The following ADAMTS20 variants were observed in gnomAD, a reference collection of about 807,000 sequenced individuals.
ADAMTS20 encodes ADAM metallopeptidase with thrombospondin type 1 motif 20, also known as A disintegrin and metalloproteinase with thrombospondin motifs 20.
In ADAMTS20, 225 loss-of-function variants were observed where a neutral mutation model predicts 260.1. The ratio of observed to expected loss-of-function variants is 0.87; its 90% CI spans 0.78 to 0.97. ADAMTS20 has a LOEUF of 0.97. Ranked by LOEUF, ADAMTS20 falls within the 50% of genes least tolerant of loss-of-function variation. The probability of loss-of-function intolerance (pLI) is 0.00; values close to 1 mark genes in which losing one functional copy is unlikely to be tolerated. For missense variants in ADAMTS20, 2,400 were observed against 2,337.7 expected (o/e 1.03, Z -0.55); for synonymous variants, 802 against 769.5 (o/e 1.04, Z -0.70).
intron 37 of ADAMTS20, among the ~76,000 whole-genome samples, chr12:43,368,168 A>G (rs1240469635): frequency 2.0e-5 from 3 of 152,232 alleles, no homozygotes; most frequent in Non-Finnish European, 4.4e-5. Context: ...TTACAGACAG[A>G]AATTTTAAAA....
At chr12:43,438,176 A>G (rs1470779259) in intron 18 of ADAMTS20, among the ~76,000 whole-genome samples, 2 of 152,170 alleles carry the variant, frequency 1.3e-5, no homozygotes, top group East Asian at 1.9e-4. Flanking sequence ...TGGACTCCCA[A>G]ATCGTCTCCC....
chr12:43,466,827 A>G (rs1942162821), intron 8 of ADAMTS20, 32 bp from the exon 9 acceptor site: 3 of 1,493,120 alleles, frequency 2.0e-6, no homozygotes, highest in Non-Finnish European at 2.8e-6. Context: ...TAAAAGGAAT[A>G]TCAAAAGATG....
intron 28 of ADAMTS20, among the ~76,000 whole-genome samples, chr12:43,422,499 A>G (rs1941254981): frequency 6.6e-6 from 1 of 152,062 alleles, no homozygotes; most frequent in South Asian, 2.1e-4. Context: ...CCCATTTAAT[A>G]TAAAAGTCTA....
chr12:43,360,177 G>C (rs1249116096), intron 37 of ADAMTS20, among the ~76,000 whole-genome samples: 1 of 152,162 alleles, frequency 6.6e-6, no homozygotes, highest in Admixed American at 6.5e-5. Flanking sequence ...GGCCGGGCAC[G>C]GTGGCTCACG....
intron 7 of ADAMTS20, among the ~76,000 whole-genome samples, chr12:43,484,110 G>T (rs1037998096): frequency 2.6e-5 from 4 of 152,024 alleles, no homozygotes; most frequent in Non-Finnish European, 5.9e-5. Context: ...CCAAAGCTAG[G>T]TGACAATAAA....
chr12:43,530,461 C>G (rs2137500980), intron 3 of ADAMTS20, among the ~76,000 whole-genome samples: 1 of 152,224 alleles, frequency 6.6e-6, no homozygotes, highest in African/African-American at 2.4e-5. Flanking sequence ...TCTATTATGT[C>G]AATAGATTTA....
In ADAMTS20 at chr12:43,397,951, G is replaced by A. The variant is rs527843154; in HGVS notation, c.4452+1115C>T. On this transcript the variant is annotated intron_variant, in intron 29 of 38. Transcript: ENST00000389420. ...ATTCCACTCCAAAGCTGTGTGCCCT[G>A]CATTGACATGCTGAGCGCAAAGAGA... Among the ~76,000 whole-genome samples, 9 of 152,232 alleles carry A rather than the reference G, an allele frequency of 5.9e-5. No individual in the cohort carries two copies. The South Asian group carries it at 1.7e-3, about 28-fold the overall frequency.
intron 37 of ADAMTS20, among the ~76,000 whole-genome samples, chr12:43,358,593 C>T (rs1939796158): frequency 1.3e-5 from 2 of 151,902 alleles, no homozygotes; most frequent in Admixed American, 6.6e-5. Context: ...AATCCCAGCA[C>T]TTTGGGAGGC....
intron 21 of ADAMTS20, among the ~76,000 whole-genome samples, chr12:43,431,848 A>T (rs1200936108): frequency 1.3e-5 from 2 of 152,116 alleles, no homozygotes; most frequent in Non-Finnish European, 2.9e-5. Flanking sequence ...TAGTATAAAG[A>T]CAAACTATCT....
At chr12:43,439,459 T>C (rs182139886) in intron 18 of ADAMTS20, among the ~76,000 whole-genome samples, 163 bp downstream of exon 18, 4 of 152,076 alleles carry the variant, frequency 2.6e-5, no homozygotes, top group Non-Finnish European at 2.9e-5. Context: ...AAAGAATTAG[T>C]GAAAAAAGTA....
At position 43,353,893 on chromosome 12, in the gene ADAMTS20, T is replaced by A. The variant is rs1019776715; in HGVS notation, c.*316A>T. On this transcript the variant is annotated 3_prime_UTR_variant, in exon 39 of 39. Coordinates refer to ENST00000389420, the MANE Select transcript of ADAMTS20 (RefSeq NM_025003.5). Reference sequence around the variant, plus strand: ...TGTGTGTTTATAGGTATAAAATAAGTGTGGTCCAGGCCAAGATGTTAAGAG... The same window carrying A: ...TGTGTGTTTATAGGTATAAAATAAGAGTGGTCCAGGCCAAGATGTTAAGAG... 1.6e-5 allele frequency: 3 copies of A among 184,930 alleles called. No homozygotes were observed. Among genetic ancestry groups the A allele is most frequent in the African/African-American group, 7.0e-5 (3 of 42,574 alleles). The allele number at this position is 184,930 out of a possible 1,614,324, so 11.5% of individuals were successfully genotyped here.
At position 43,446,632 on chromosome 12, in the gene ADAMTS20, G is replaced by A; in HGVS notation, c.2160C>T (p.Cys720=). The part of the protein sequence containing the change: ...CGVCGGDNSS[C]KTITGVFNSS... Reference sequence around the variant, plus strand: ...TGTTGAAGACACCTGTTATTGTCTTGCATGAAGAGTTGTCCCCACCACACA... The same window carrying A: ...TGTTGAAGACACCTGTTATTGTCTTACATGAAGAGTTGTCCCCACCACACA... Residue 720 remains cysteine (C), a synonymous_variant, in exon 15 of 39, where the codon TGC becomes TGT. Transcript: ENST00000389420. 2 of 1,613,274 alleles carry A rather than the reference G, an allele frequency of 1.2e-6. No individual in the cohort carries two copies. Among genetic ancestry groups the A allele is most frequent in the Non-Finnish European group, 1.7e-6 (2 of 1,179,500 alleles).
intron 28 of ADAMTS20, among the ~76,000 whole-genome samples, chr12:43,399,462 T>C (rs374825920): frequency 2.2e-4 from 33 of 152,300 alleles, no homozygotes; most frequent in Non-Finnish European, 1.0e-4. Context: ...TAATTTATTC[T>C]ACAAAAATGT....
At chr12:43,420,295 C>T (rs182353979) in intron 28 of ADAMTS20, among the ~76,000 whole-genome samples, 79 of 152,100 alleles carry the variant, frequency 5.2e-4, no homozygotes, top group African/African-American at 1.7e-3. Flanking sequence ...GTGACCATTA[C>T]GATGTCTAAT....
At chr12:43,471,157 G>C (rs1407716396) in intron 7 of ADAMTS20, among the ~76,000 whole-genome samples, 1 of 152,162 alleles carries the variant, frequency 6.6e-6, no homozygotes, top group East Asian at 1.9e-4. Context: ...AGCAGGGCGA[G>C]GCATTGCCTC....
chr12:43,466,356 T>A (rs17093332), intron 9 of ADAMTS20, among the ~76,000 whole-genome samples: 14,181 of 151,178 alleles, frequency 0.094, 870 homozygotes, highest in Admixed American at 0.2. Context: ...TCCCATTAAG[T>A]CTCCCATCAA....
intron 3 of ADAMTS20, among the ~76,000 whole-genome samples, chr12:43,518,106 T>C (rs1297367689): frequency 1.3e-5 from 2 of 152,064 alleles, no homozygotes; most frequent in African/African-American, 2.4e-5. Flanking sequence ...CAAAGTTCAA[T>C]ATATCACCTT....
Position 43,431,414 on chromosome 12 carries a change from C to T in ADAMTS20, c.3179G>A (p.Cys1060Tyr), listed in dbSNP as rs567538502. Residue 1060 changes from cysteine to tyrosine, a missense_variant, in exon 22 of 39, where the codon TGT (cysteine) becomes TAT (tyrosine). Transcript: ENST00000389420. ...LNVDHLSDGF[C>Y]NSSTKPESLS... ...AGATTCAGGTTTGGTACTTGAATTACAGAAGCCATCACTCAAGTGATCTAC... is the reference window on the plus strand; with the variant it reads ...AGATTCAGGTTTGGTACTTGAATTATAGAAGCCATCACTCAAGTGATCTAC... 6.2e-7 allele frequency: 1 copy of T among 1,613,982 alleles called. No homozygotes were observed. The highest frequency in any genetic ancestry group is 8.5e-7 in the Non-Finnish European group (1 of 1,179,862).
chr12:43,405,458 AAT>A (rs1402015028), intron 28 of ADAMTS20, among the ~76,000 whole-genome samples: 15 of 141,006 alleles, frequency 1.1e-4, no homozygotes, highest in African/African-American at 3.6e-4. Context: ...TAATAATAAT[AAT>A]AAATTAAATA....
Sources: gnomAD v4.1 joint callset for allele counts (sites outside exome capture counted in the v4.1 genomes callset) on GRCh38, gnomAD v4.1.1 for gene constraint, MANE v1.5 for transcripts, NCBI Gene and HGNC (gene_info 2026-07-23, HGNC 2026-07-21) for gene names.